The following RBFOX1 variants were observed in gnomAD, a reference collection of about 807,000 sequenced individuals.
RBFOX1 encodes RNA binding fox-1 homolog 1.
RBFOX1 carries 8 observed loss-of-function variants against 57.7 expected under a neutral mutation model. The ratio of observed to expected loss-of-function variants is 0.14; its 90% CI spans 0.08 to 0.25. The LOEUF (loss-of-function observed/expected upper bound fraction) is 0.25. Among genes scored for constraint, RBFOX1 ranks in the 10% least tolerant of loss-of-function variants. The probability of loss-of-function intolerance (pLI) is 1.00; values close to 1 mark genes in which losing one functional copy is unlikely to be tolerated. For synonymous variants in RBFOX1, 326 were observed against 222.4 expected (o/e 1.47, Z -4.15); for missense variants, 611 against 548.5 (o/e 1.11, Z -1.14).
intron 3 of RBFOX1, among the ~76,000 whole-genome samples, chr16:6,706,457 G>C (rs1271235837): frequency 3.3e-5 from 5 of 152,206 alleles, no homozygotes; most frequent in African/African-American, 1.2e-4. Context: ...CTTTGGATGG[G>C]GGGCCCCTGT....
At chr16:6,927,306 G>C (rs920487910) in intron 3 of RBFOX1, among the ~76,000 whole-genome samples, 1 of 150,910 alleles carries the variant, frequency 6.6e-6, no homozygotes. Context: ...TCAGCTACTT[G>C]GGAGGTTGAG....
intron 4 of RBFOX1, among the ~76,000 whole-genome samples, chr16:7,062,317 C>CAAAA (rs57989614): frequency 3.0e-3 from 198 of 65,046 alleles, no homozygotes; most frequent in African/African-American, 4.9e-3. Flanking sequence ...GACTCCATCT[C>CAAAA]AAAAAAAAAA....
chr16:5,814,877 C>T (rs181491592), intron 3 of RBFOX1, among the ~76,000 whole-genome samples: 2,712 of 151,860 alleles, frequency 0.018, 78 homozygotes, highest in African/African-American at 0.062. Context: ...TGCAGTGAGC[C>T]GAGATTGCGC....
At position 6,526,243 on chromosome 16, in the gene RBFOX1, C is replaced by G. The variant is rs1453398691; in HGVS notation, c.-63-128360C>G. Among the ~76,000 whole-genome samples, 98 of 152,200 alleles carry G rather than the reference C, an allele frequency of 6.4e-4. 2 individuals carry two copies. The highest frequency in any genetic ancestry group is 6.4e-3 in the Admixed American group (98 of 15,288). On this transcript the variant is annotated intron_variant, in intron 2 of 15. Coordinates refer to ENST00000550418, the MANE Select transcript of RBFOX1 (RefSeq NM_018723.4). ...GGGGCTCACCCCAATGTTTCTGCCA[C>G]CATTGAGTAATAGAGTATTGGGTTT...
At chr16:5,983,183 A>G (rs572864057) in intron 4 of RBFOX1, among the ~76,000 whole-genome samples, 65 of 152,306 alleles carry the variant, frequency 4.3e-4, no homozygotes, top group African/African-American at 1.6e-3. Context: ...GCCTCCTGTC[A>G]GAGCTGAGAG....
intron 4 of RBFOX1, among the ~76,000 whole-genome samples, chr16:6,007,331 C>A (rs1325990474): frequency 4.6e-5 from 7 of 152,190 alleles, no homozygotes; most frequent in Non-Finnish European, 1.0e-4. Context: ...TCCTGAGCTG[C>A]CCACTGGAGA....
At chr16:7,343,812 C>T (rs1036758928) in intron 4 of RBFOX1, among the ~76,000 whole-genome samples, 2 of 152,088 alleles carry the variant, frequency 1.3e-5, no homozygotes, top group Non-Finnish European at 2.9e-5. Context: ...ACCTGTGTGA[C>T]CTTGGCACAG....
rs1567240841 is a variant in RBFOX1, at chr16:5,569,467, T to TC, written c.259-29434dup. On this transcript the variant is annotated intron_variant, in intron 2 of 2. Coordinates refer to the RBFOX1 transcript ENST00000585867. ...TTTTTTTTTTTTTTTTTTTTTTTTT[T>TC]CTTCTTCTTTTTGGAGTACTCTCTA... Among the ~76,000 whole-genome samples the TC allele has an allele frequency of 4.8e-5, 4 of 83,444 alleles. No individual in the cohort carries two copies. In the South Asian group the frequency reaches 1.7e-3, roughly 35 times the overall value. The allele number at this position is 83,444 out of a possible 152,430, so 54.7% of individuals were successfully genotyped here. A position where few individuals can be genotyped will look rare whatever the true frequency, so the allele number is the denominator to read the frequency against.
At chr16:5,757,323 C>T (rs1442121259) in intron 3 of RBFOX1, among the ~76,000 whole-genome samples, 1 of 151,366 alleles carries the variant, frequency 6.6e-6, no homozygotes, top group Non-Finnish European at 1.5e-5. Context: ...CGCTTGCCTC[C>T]TGGGTTCAAG....
At chr16:6,163,812 A>G (rs1445701948) in intron 1 of RBFOX1, among the ~76,000 whole-genome samples, 1 of 152,156 alleles carries the variant, frequency 6.6e-6, no homozygotes, top group Non-Finnish European at 1.5e-5. Context: ...TTTTTGCCCA[A>G]TCTTAATTAA....
chr16:5,408,687 G>C (rs150455964), intron 1 of RBFOX1, among the ~76,000 whole-genome samples: 2 of 152,326 alleles, frequency 1.3e-5, no homozygotes, highest in South Asian at 4.1e-4. Flanking sequence ...TGCAGGCTGC[G>C]TAGGCATGGT....
chr16:7,327,425 C>G (rs999647345), intron 4 of RBFOX1, among the ~76,000 whole-genome samples: 2 of 152,182 alleles, frequency 1.3e-5, no homozygotes, highest in Non-Finnish European at 2.9e-5. Context: ...CCATTACCCA[C>G]TTTTGTCTGG....
intron 2 of RBFOX1, among the ~76,000 whole-genome samples, chr16:5,579,133 C>G (rs2046573279): frequency 6.6e-6 from 1 of 152,110 alleles, no homozygotes; most frequent in Admixed American, 6.5e-5. Context: ...GAGGCATGAG[C>G]CACCACGCCT....
At chr16:7,136,554 A>C (rs1389436695) in intron 4 of RBFOX1, among the ~76,000 whole-genome samples, 3 of 151,946 alleles carry the variant, frequency 2.0e-5, no homozygotes, top group Non-Finnish European at 4.4e-5. Flanking sequence ...TTACAGGTGC[A>C]CGCCACCACA....
chr16:7,195,085 A>G (rs2086365548), intron 4 of RBFOX1, among the ~76,000 whole-genome samples: 1 of 152,066 alleles, frequency 6.6e-6, no homozygotes, highest in Admixed American at 6.5e-5. Flanking sequence ...CTGAATTTTA[A>G]TAAAGAGCTC....
chr16:6,737,820 C>T (rs1603482344), intron 3 of RBFOX1, among the ~76,000 whole-genome samples: 1 of 152,108 alleles, frequency 6.6e-6, no homozygotes, highest in African/African-American at 2.4e-5. Flanking sequence ...ATTTAGTTAA[C>T]TCCTTTTATT....
At chr16:5,449,512 C>T (rs189137942) in intron 1 of RBFOX1, among the ~76,000 whole-genome samples, 1 of 152,306 alleles carries the variant, frequency 6.6e-6, no homozygotes. Flanking sequence ...TGCCCAAGAT[C>T]TAAAGGGTCA....
chr16:7,688,260 T>TGTGTGTGAGAGAGAGAGAGAGA (rs1319185243), intron 14 of RBFOX1, among the ~76,000 whole-genome samples: 7 of 125,294 alleles, frequency 5.6e-5, no homozygotes, highest in African/African-American at 2.1e-4. Flanking sequence ...TGTGTGTGTG[T>TGTGTGTGAGAGAGAGAGAGAGA]GAGAGAGAGA....
intron 4 of RBFOX1, among the ~76,000 whole-genome samples, chr16:5,999,897 AAAAAAAAAAAGAGT>A (rs1454337994): frequency 3.2e-5 from 2 of 62,776 alleles, no homozygotes; most frequent in Non-Finnish European, 6.9e-5. Flanking sequence ...AAAAAAAAAA[AAAAAAAAAAAGAGT>A]GAAGAAGGGA....
Sources: allele counts gnomAD v4.1 joint callset (sites outside exome capture counted in the v4.1 genomes callset), GRCh38; gene constraint gnomAD v4.1.1; transcripts MANE v1.5; gene names NCBI Gene and HGNC (gene_info 2026-07-23, HGNC 2026-07-21).